Variants in AP4E1 observed in about 807,000 individuals in gnomAD.
AP4E1 encodes adaptor related protein complex 4 subunit epsilon 1.
A neutral mutation model predicts 128.2 loss-of-function variants in AP4E1; 56 were observed. The observed-to-expected ratio is 0.44, with a 90% confidence interval of 0.35 to 0.55. AP4E1 has a LOEUF of 0.55. Among genes scored for constraint, AP4E1 ranks in the 20% least tolerant of loss-of-function variants. The pLI is 0.00. For missense variants in AP4E1, 1,324 were observed against 1,307.7 expected, an observed-to-expected ratio of 1.01 and a Z score of -0.19; for synonymous variants, 484 against 473.1, an observed-to-expected ratio of 1.02 and a Z score of -0.30.
chr15:50,937,842 G>T (rs886870141), intron 8 of AP4E1, among the ~76,000 whole-genome samples: 1 of 152,160 alleles, frequency 6.6e-6, no homozygotes, highest in Non-Finnish European at 1.5e-5. Flanking sequence ...AGCAGTGGAA[G>T]GGCGGTATTG....
chr15:51,001,167 T>A lies in AP4E1; in HGVS notation c.3237T>A (p.His1079Gln), dbSNP rs1182539421. The change falls in exon 20 of 21, where the codon CAT (histidine) becomes CAA (glutamine). Residue 1079 changes from histidine (H) to glutamine (Q), a missense_variant. Coordinates refer to ENST00000261842, the MANE Select transcript of AP4E1 (RefSeq NM_007347.5). ...CTCTGCAACAGAAACTAAGACTCCA[T>A]ATTATTGAGATTATAGGTTTGTAGA... ...LKTLQQKLRL[H>Q]IIEIIGNEGL... 3.1e-6 allele frequency: 5 copies of A among 1,613,504 alleles called. No individual in the cohort carries two copies. The highest frequency in any genetic ancestry group is 4.2e-6 in the Non-Finnish European group (5 of 1,179,700).
rs2064979233 is a variant in AP4E1, at chr15:51,002,666, A to G, written c.*4A>G. The G allele has an allele frequency of 1.2e-6, 2 of 1,613,832 alleles. No homozygotes were observed. The highest frequency in any genetic ancestry group is 2.7e-5 in the African/African-American group (2 of 74,922). The stretch of plus-strand genomic sequence containing the variant: ...AAAGGTGATGGAGGGATCCTAGCAG[A>G]AGCCCTGCTAAATTTTACTCCATCA... On this transcript the variant is annotated 3_prime_UTR_variant, in exon 21 of 21. Coordinates refer to ENST00000261842, the MANE Select transcript of AP4E1 (RefSeq NM_007347.5).
intron 16 of AP4E1, among the ~76,000 whole-genome samples, chr15:50,992,285 G>C (rs903119712): frequency 1.3e-5 from 2 of 152,118 alleles, no homozygotes; most frequent in Non-Finnish European, 2.9e-5. Flanking sequence ...TAGGCTATTA[G>C]TAGTTAAGTT....
intron 2 of AP4E1, among the ~76,000 whole-genome samples, chr15:50,913,179 A>G (rs552968397): frequency 2.6e-5 from 4 of 152,318 alleles, no homozygotes; most frequent in South Asian, 4.1e-4. Context: ...TGTGGTCATA[A>G]TAATAGTATG....
intron 10 of AP4E1, chr15:50,945,169 T>G (rs2064040930): frequency 1.2e-6 from 1 of 868,958 alleles, no homozygotes; most frequent in East Asian, 2.4e-5. Context: ...AAAGAAGCTG[T>G]TTTTGCCACA....
intron 15 of AP4E1, among the ~76,000 whole-genome samples, chr15:50,982,508 G>A (rs2064657843): frequency 6.6e-6 from 1 of 152,134 alleles, no homozygotes; most frequent in South Asian, 2.1e-4. Context: ...TTGGCTGTAT[G>A]TATAAAAAGG....
chr15:50,948,284 T>G, intron 11 of AP4E1, 125 bp downstream of exon 11: 2 of 1,228,790 alleles, frequency 1.6e-6, no homozygotes, highest in Non-Finnish European at 2.3e-6. Flanking sequence ...TTATTCCTGA[T>G]TTTCAAGCCT....
intron 7 of AP4E1, among the ~76,000 whole-genome samples, chr15:50,933,885 T>A (rs2063869281): frequency 6.6e-6 from 1 of 152,080 alleles, no homozygotes; most frequent in Admixed American, 6.5e-5. Context: ...GTGTTGCTGG[T>A]ATTTTTTTTT....
chr15:50,945,963 A>G (rs1320679781), intron 10 of AP4E1: 2 of 1,292,546 alleles, frequency 1.5e-6, no homozygotes, highest in Admixed American at 1.7e-5. Flanking sequence ...CAATTGTGTC[A>G]GAGAAGAAGA....
chr15:50,967,416 G>GAGAT (rs2064408509), intron 14 of AP4E1, among the ~76,000 whole-genome samples: 1 of 152,230 alleles, frequency 6.6e-6, no homozygotes, highest in African/African-American at 2.4e-5. Context: ...AACAAAAGCA[G>GAGAT]AGATTGGAAT....
chr15:50,938,505 C>T (rs955267714), intron 8 of AP4E1, among the ~76,000 whole-genome samples: 1 of 152,154 alleles, frequency 6.6e-6, no homozygotes, highest in Non-Finnish European at 1.5e-5. Context: ...GCCCAAGAGA[C>T]AGCTGGAATT....
chr15:50,925,048 C>T (rs2063752228), intron 4 of AP4E1, 50 bp from the exon 5 acceptor site: 1 of 1,610,346 alleles, frequency 6.2e-7, no homozygotes, highest in African/African-American at 1.3e-5. Flanking sequence ...TTTGCCATTC[C>T]TAGTTTCAGT....
intron 5 of AP4E1, among the ~76,000 whole-genome samples, chr15:50,927,516 G>GT (rs11378934): frequency 0.23 from 31,735 of 140,186 alleles, 3,858 homozygotes; most frequent in East Asian, 0.45. Context: ...CCTATTCAGA[G>GT]TTTTTTTTTT....
At position 50,908,787 on chromosome 15, in the gene AP4E1, C is replaced by A; in HGVS notation, c.9C>A (p.Asp3Glu). 1 of 1,588,340 alleles carries A rather than the reference C, an allele frequency of 6.3e-7. No homozygotes were observed. Among genetic ancestry groups the A allele is most frequent in the Non-Finnish European group, 8.6e-7 (1 of 1,167,934 alleles). Residue 3 changes from aspartate (D) to glutamate (E), a missense_variant, in exon 1 of 21, where the codon GAC becomes GAA. Transcript: ENST00000261842. MS[D>E]IVEKTLTALP... ...CGCGGGCGGCGGCGGCGATGAGCGACATAGTGGAGAAGACGCTGACGGCGC... is the reference window on the plus strand; with the variant it reads ...CGCGGGCGGCGGCGGCGATGAGCGAAATAGTGGAGAAGACGCTGACGGCGC...
At chr15:50,935,628 G>A (rs1179923447) in intron 8 of AP4E1, among the ~76,000 whole-genome samples, 1 of 152,166 alleles carries the variant, frequency 6.6e-6, no homozygotes, top group African/African-American at 2.4e-5. Flanking sequence ...TAACTCAAAT[G>A]AGAAGTCATT....
intron 15 of AP4E1, among the ~76,000 whole-genome samples, chr15:50,973,276 AC>A: frequency 6.6e-6 from 1 of 152,318 alleles, no homozygotes; most frequent in Admixed American, 6.5e-5. Context: ...TTGAGTTAAG[AC>A]AACAACTAAA....
At chr15:50,928,522 A>G (rs1157984516) in intron 5 of AP4E1, among the ~76,000 whole-genome samples, 5 of 152,118 alleles carry the variant, frequency 3.3e-5, no homozygotes, top group Non-Finnish European at 7.4e-5. Flanking sequence ...TCCTGGCCTC[A>G]AGTGATCCAC....
chr15:50,955,825 A>T (rs559576966), intron 13 of AP4E1, among the ~76,000 whole-genome samples: 1 of 152,188 alleles, frequency 6.6e-6, no homozygotes, highest in East Asian at 1.9e-4. Context: ...CTGCTGGGGA[A>T]TTTGGGGTAC....
chr15:50,929,264 T>C, intron 6 of AP4E1, 96 bp downstream of exon 6: 1 of 1,337,808 alleles, frequency 7.5e-7, no homozygotes, highest in Non-Finnish European at 1.0e-6. Context: ...AAATGCTTAG[T>C]TAACATTTTA....
Sources: gnomAD v4.1 joint callset for allele counts (sites outside exome capture counted in the v4.1 genomes callset) on GRCh38, gnomAD v4.1.1 for gene constraint, MANE v1.5 for transcripts, NCBI Gene and HGNC (gene_info 2026-07-23, HGNC 2026-07-21) for gene names.